Variants in ASIC1 observed in about 807,000 individuals in gnomAD.
ASIC1 encodes the protein acid sensing ion channel subunit 1.
A neutral mutation model predicts 63.4 loss-of-function variants in ASIC1; 21 were observed. The observed-to-expected ratio is 0.33, with a 90% CI of 0.23 to 0.48. The LOEUF (loss-of-function observed/expected upper bound fraction) is 0.48. ASIC1 is among the 20% of genes least tolerant of loss of function. The pLI is 0.99. For missense variants in ASIC1, 478 were observed against 695.5 expected, an observed-to-expected ratio of 0.69 and a Z score of 3.52; for synonymous variants, 258 against 278.2, an observed-to-expected ratio of 0.93 and a Z score of 0.72.
At chr12:50,061,717 A>G (rs1950502583) in intron 3 of ASIC1, among the ~76,000 whole-genome samples, 1 of 152,230 alleles carries the variant, frequency 6.6e-6, no homozygotes, top group Non-Finnish European at 1.5e-5. Context: ...CAGTTAGTCC[A>G]TAGAAAGTAT....
rs185907440 is a variant in ASIC1, at chr12:50,081,045, C to T, written c.1298-57C>T. 1.3e-5 allele frequency: 19 copies of T among 1,476,494 alleles called. No homozygotes were observed. In the African/African-American group the frequency reaches 2.1e-4, roughly 16 times the overall value. 91.5% of individuals were successfully genotyped at this position (1,476,494 alleles called of 1,614,324 possible). On this transcript the variant is annotated intron_variant, in intron 9 of 11. Transcript: ENST00000447966. ...CTTGCCTGCCCCAGTCCCAGTAAAC[C>T]CTGCTGCCCCCACGATGTCCTGACC...
In ASIC1 at chr12:50,078,683, C is replaced by A; in HGVS notation, c.994+106C>A. The A allele has an allele frequency of 6.6e-7, 1 of 1,511,616 alleles. No individual in the cohort carries two copies. The highest frequency in any genetic ancestry group is 9.0e-7 in the Non-Finnish European group (1 of 1,106,054). 93.6% of individuals were successfully genotyped at this position (1,511,616 alleles called of 1,614,324 possible). A position where few individuals can be genotyped will look rare whatever the true frequency, so the allele number is the denominator to read the frequency against. On this transcript the variant is annotated intron_variant, in intron 6 of 11. Transcript: ENST00000447966. The surrounding 1 kb of genome is among the most constrained non-coding windows in gnomAD (Gnocchi z 6.0). Reference sequence around the variant, plus strand: ...TCCCAACCCCAGTTCCAGCCCACCCCATCCCACACCCACCTGGCTCATGTC... The same window carrying A: ...TCCCAACCCCAGTTCCAGCCCACCCAATCCCACACCCACCTGGCTCATGTC...
chr12:50,073,854 G>T (rs1383908725), intron 3 of ASIC1: 3 of 1,531,308 alleles, frequency 2.0e-6, no homozygotes, highest in Non-Finnish European at 8.7e-7. Flanking sequence ...CAAGGCAGGT[G>T]CTGTGGGCGG....
At chr12:50,066,953 G>C (rs187467594) in intron 3 of ASIC1, among the ~76,000 whole-genome samples, 2 of 152,050 alleles carry the variant, frequency 1.3e-5, no homozygotes. Flanking sequence ...TGCTAATTCT[G>C]TCTCTCCCTG....
At chr12:50,079,020 AG>A in intron 7 of ASIC1, 40 bp downstream of exon 7, 6 of 1,594,668 alleles carry the variant, frequency 3.8e-6, no homozygotes, top group Non-Finnish European at 5.1e-6. Flanking sequence ...GGGAGGGAAA[AG>A]GTGCTGCCAG....
At chr12:50,058,258 C>G (rs1950465730) in intron 1 of ASIC1, among the ~76,000 whole-genome samples, 1 of 152,208 alleles carries the variant, frequency 6.6e-6, no homozygotes, top group Non-Finnish European at 1.5e-5. Context: ...CTAGATGTAG[C>G]CACCTCCCTG....
At chr12:50,080,739 G>T in intron 9 of ASIC1, 150 bp downstream of exon 9, 1 of 1,606,874 alleles carries the variant, frequency 6.2e-7, no homozygotes. Context: ...TAAGTGGTGA[G>T]GGAAGGGAAC....
chr12:50,066,822 G>T (rs896689420), intron 3 of ASIC1, among the ~76,000 whole-genome samples: 1 of 152,092 alleles, frequency 6.6e-6, no homozygotes, highest in Non-Finnish European at 1.5e-5. Flanking sequence ...AGAAGCCTCA[G>T]ACAAGATCTT....
chr12:50,074,860 C>CTGTGTG lies in ASIC1; in HGVS notation c.559-2311_559-2306dup, dbSNP rs376276861. On this transcript the variant is annotated intron_variant, in intron 3 of 11. Transcript: ENST00000447966. This position sits in a 1 kb window ranked among gnomAD's most constrained non-coding sequence, Gnocchi z 4.2. ...TATGGACGCCCCACCCCCACCAGCT[C>CTGTGTG]TGTGTGTGTGTGTGTGTGTGTGTGT... 6.7e-3 allele frequency among the ~76,000 whole-genome samples: 947 copies of CTGTGTG among 141,502 alleles called. 13 individuals are homozygous for CTGTGTG. Among genetic ancestry groups the CTGTGTG allele is most frequent in the East Asian group, 0.056 (256 of 4,548 alleles). 92.8% of individuals were successfully genotyped at this position (141,502 alleles called of 152,430 possible).
At position 50,081,551 on chromosome 12, in the gene ASIC1, T is replaced by A. The variant is rs749105879; in HGVS notation, c.1489T>A (p.Cys497Ser). 3 of 1,613,872 alleles carry A rather than the reference T, an allele frequency of 1.9e-6. No homozygotes were observed. The highest frequency in any genetic ancestry group is 2.5e-6 in the Non-Finnish European group (3 of 1,179,922). ...TCCTGTCCCCTTCCCCCAGAACCCGTGCGAGAGCCTTCGGGGCCACCCTGC... is the reference window on the plus strand; with the variant it reads ...TCCTGTCCCCTTCCCCCAGAACCCGAGCGAGAGCCTTCGGGGCCACCCTGC... ...SLDDVKRHNP[C>S]ESLRGHPAGM... is the part of the protein sequence containing the mutation. Residue 497 changes from cysteine (C) to serine (S), a missense_variant, in exon 12 of 12, where the codon TGC (cysteine) becomes AGC (serine). Transcript: ENST00000447966.
At chr12:50,079,003 A>G in intron 7 of ASIC1, 23 bp downstream of exon 7, 1 of 1,610,428 alleles carries the variant, frequency 6.2e-7, no homozygotes, top group South Asian at 1.1e-5. Context: ...GGCCTGGGGC[A>G]GTCTGGGGGA....
rs371738294 is a variant in ASIC1, at chr12:50,058,945, T to G, written c.179T>G (p.Val60Gly). Residue 60 changes from valine to glycine, a missense_variant, in exon 2 of 12, where the codon GTG (valine) becomes GGG (glycine). Val to Gly is a moderately radical substitution (Grantham distance 109, BLOSUM62 -3). Coordinates refer to ENST00000447966, the MANE Select transcript of ASIC1 (RefSeq NM_001095.4). ...FLGSLAVLLC[V>G]CTERVQYYFH... ...GGCTCCCTGGCTGTGCTGCTGTGTG[T>G]GTGCACGGAGCGTGTGCAGTACTAC... is the stretch of plus-strand genomic sequence containing the variant. 1 of 1,614,016 alleles carries G rather than the reference T, an allele frequency of 6.2e-7. No homozygotes were observed. The highest frequency in any genetic ancestry group is 8.5e-7 in the Non-Finnish European group (1 of 1,179,986).
chr12:50,078,517 A>T lies in ASIC1; in HGVS notation c.934A>T (p.Ile312Phe). ...FDSYSITACR[I>F]DCETRYLVEN... ...CTCCTACAGCATCACTGCCTGCCGC[A>T]TCGACTGTGAGACGCGCTACCTGGT... is the stretch of plus-strand genomic sequence containing the variant. Residue 312 changes from isoleucine (I) to phenylalanine (F), a missense_variant, in exon 6 of 12, where the codon ATC becomes TTC. Ile to Phe is a conservative substitution (Grantham distance 21). This residue lies in a region of ASIC1 where 290 missense variants were observed against 414.9 expected (regional missense o/e 0.70). Transcript: ENST00000447966. This position sits in a 1 kb window ranked among gnomAD's most constrained non-coding sequence, Gnocchi z 6.0. 6.2e-7 allele frequency: 1 copy of T among 1,614,080 alleles called. No homozygotes were observed. The highest frequency in any genetic ancestry group is 8.5e-7 in the Non-Finnish European group (1 of 1,179,994).
At chr12:50,066,458 G>A (rs768351375) in intron 3 of ASIC1, among the ~76,000 whole-genome samples, 7 of 152,246 alleles carry the variant, frequency 4.6e-5, no homozygotes, top group South Asian at 2.1e-4. Context: ...TAGGAATCCC[G>A]TTCCCAAGTT....
At chr12:50,061,216 G>T (rs1950497831) in intron 3 of ASIC1, among the ~76,000 whole-genome samples, 1 of 152,060 alleles carries the variant, frequency 6.6e-6, no homozygotes, top group African/African-American at 2.4e-5. Flanking sequence ...TGCAGTATGG[G>T]AATATGAACT....
In ASIC1 at chr12:50,081,936, G is replaced by T; in HGVS notation, c.*287G>T. 1 of 447,660 alleles carries T rather than the reference G, an allele frequency of 2.2e-6. No individual in the cohort carries two copies. Among genetic ancestry groups the T allele is most frequent in the Non-Finnish European group, 4.0e-6 (1 of 247,324 alleles). The allele number at this position is 447,660 out of a possible 1,614,324, so 27.7% of individuals were successfully genotyped here. A position where few individuals can be genotyped will look rare whatever the true frequency, so the allele number is the denominator to read the frequency against. ...TCCATGCTGCCTCCCCTAGCTCCCA[G>T]CCTGAATTCTGTCTATCTAGCTGTC... is the stretch of plus-strand genomic sequence containing the variant. On this transcript the variant is annotated 3_prime_UTR_variant, in exon 12 of 12. Transcript: ENST00000447966.
intron 11 of ASIC1, 72 bp downstream of exon 11, chr12:50,081,436 G>A: frequency 1.4e-5 from 4 of 278,582 alleles, no homozygotes; most frequent in Admixed American, 1.5e-4. Context: ...GTCCACCCCC[G>A]CCCACCCGCC....
chr12:50,075,146 C>A (rs758861320), intron 3 of ASIC1, among the ~76,000 whole-genome samples: 1 of 152,092 alleles, frequency 6.6e-6, no homozygotes, highest in African/African-American at 2.4e-5. Flanking sequence ...AGATGCCAGG[C>A]CTTCCCTGCC....
rs1267369982 is a variant in ASIC1, at chr12:50,074,056, GC to G, written c.559-3152del. 5.9e-6 allele frequency: 9 copies of G among 1,534,554 alleles called. No homozygotes were observed. The highest frequency in any genetic ancestry group is 7.9e-6 in the Non-Finnish European group (9 of 1,145,890). ...CAGCTACCCTGACTTGCTTTATTTG[GC>G]CCCCATGCTGGGACTGGATGAAAGT... On this transcript the variant is annotated intron_variant, in intron 3 of 11. Coordinates refer to ENST00000447966, the MANE Select transcript of ASIC1 (RefSeq NM_001095.4). This position sits in a 1 kb window ranked among gnomAD's most constrained non-coding sequence, Gnocchi z 4.2.
Sources: gnomAD v4.1 joint callset for allele counts (sites outside exome capture counted in the v4.1 genomes callset) on GRCh38, gnomAD v4.1.1 for gene constraint, gnomAD v4.1.1 regional missense constraint, Gnocchi (gnomAD v3.1) non-coding constraint, MANE v1.5 for transcripts, NCBI Gene and HGNC (gene_info 2026-07-23, HGNC 2026-07-21) for gene names.